The following FAM184A variants were observed in gnomAD, a reference collection of about 807,000 sequenced individuals.
The protein encoded by FAM184A is family with sequence similarity 184 member A.
Under a neutral mutation model 143.8 loss-of-function variants are expected in FAM184A, and 99 were observed. The observed-to-expected ratio is 0.69, with a 90% CI of 0.58 to 0.81. The LOEUF is 0.81. FAM184A is among the 40% of genes least tolerant of loss of function. The pLI is 0.00. For synonymous variants in FAM184A, 427 were observed against 446.4 expected (o/e 0.96, Z 0.55); for missense variants, 1,217 against 1,310.5 (o/e 0.93, Z 1.10).
At chr6:119,140,321 T>C (rs1772184756) in intron 1 of FAM184A, among the ~76,000 whole-genome samples, 1 of 152,160 alleles carries the variant, frequency 6.6e-6, no homozygotes, top group Non-Finnish European at 1.5e-5. Context: ...CCATTTCCCA[T>C]GCTAGTGGGT....
intron 7 of FAM184A, chr6:119,006,205 T>TA (rs1404853135): frequency 2.0e-5 from 15 of 764,392 alleles, no homozygotes; most frequent in Non-Finnish European, 3.6e-5. Flanking sequence ...GATCTTCCCT[T>TA]AGAGTTTAGG....
At chr6:119,000,246 G>C (rs1346246626) in intron 9 of FAM184A, among the ~76,000 whole-genome samples, 3 of 152,178 alleles carry the variant, frequency 2.0e-5, no homozygotes, top group Non-Finnish European at 4.4e-5. Context: ...TAGAAAATAT[G>C]ATCACAGAAA....
intron 1 of FAM184A, among the ~76,000 whole-genome samples, chr6:119,133,606 G>A (rs1789590000): frequency 6.6e-6 from 1 of 151,968 alleles, no homozygotes; most frequent in Admixed American, 6.6e-5. Context: ...ACCTGAGGTA[G>A]GCTGCCCCAA....
intron 1 of FAM184A, among the ~76,000 whole-genome samples, chr6:119,052,474 A>G (rs539158117): frequency 4.6e-5 from 7 of 152,206 alleles, no homozygotes; most frequent in Non-Finnish European, 8.8e-5. Context: ...TAGTCTCCTA[A>G]CTGATCTTTC....
chr6:119,098,117 G>A (rs1788554726), intron 1 of FAM184A, among the ~76,000 whole-genome samples: 1 of 152,118 alleles, frequency 6.6e-6, no homozygotes, highest in Admixed American at 6.5e-5. Flanking sequence ...TTGAATCATG[G>A]GAGTGGTTTC....
At chr6:119,130,815 G>T (rs528608392) in intron 1 of FAM184A, among the ~76,000 whole-genome samples, 9 of 151,572 alleles carry the variant, frequency 5.9e-5, no homozygotes, top group African/African-American at 2.2e-4. Flanking sequence ...CCTGAAGTGG[G>T]TATTTGACAT....
At chr6:118,977,584 T>C (rs1447145603) in intron 11 of FAM184A, among the ~76,000 whole-genome samples, 1 of 152,078 alleles carries the variant, frequency 6.6e-6, no homozygotes, top group African/African-American at 2.4e-5. Flanking sequence ...CTATCCCTTC[T>C]CCCCAAAAAG....
chr6:119,023,849 G>C, intron 2 of FAM184A, 110 bp downstream of exon 2: 3 of 606,676 alleles, frequency 4.9e-6, no homozygotes, highest in South Asian at 4.0e-5. Context: ...AAAAGTCTAA[G>C]TGGTGTGAAG....
chr6:119,131,153 C>T (rs1019883291), intron 1 of FAM184A, among the ~76,000 whole-genome samples: 1 of 152,130 alleles, frequency 6.6e-6, no homozygotes, highest in African/African-American at 2.4e-5. Flanking sequence ...GCCACCATGC[C>T]CAGCCAGAAT....
chr6:119,140,557 C>T (rs574235713), intron 1 of FAM184A, among the ~76,000 whole-genome samples: 1 of 152,352 alleles, frequency 6.6e-6, no homozygotes, highest in East Asian at 1.9e-4. Flanking sequence ...TCTCCGCTTT[C>T]TTTCAGTCCT....
chr6:119,049,461 A>AAAAAC (rs1013012116), intron 1 of FAM184A, among the ~76,000 whole-genome samples: 12 of 151,900 alleles, frequency 7.9e-5, no homozygotes, highest in African/African-American at 2.2e-4. Flanking sequence ...AAAATAAAAT[A>AAAAAC]AAAACAAAAC....
chr6:118,981,015 T>C (rs1784003184), intron 9 of FAM184A, among the ~76,000 whole-genome samples: 1 of 152,258 alleles, frequency 6.6e-6, no homozygotes, highest in Non-Finnish European at 1.5e-5. Context: ...GTTTCTAAAA[T>C]GTCTCAAACG....
At chr6:119,025,661 C>A (rs1291904237) in intron 1 of FAM184A, 1 of 515,576 alleles carries the variant, frequency 1.9e-6, no homozygotes, top group Non-Finnish European at 3.9e-6. Flanking sequence ...CGGATGCCAT[C>A]CATCATGCCA....
intron 17 of FAM184A, among the ~76,000 whole-genome samples, chr6:118,960,401 G>A (rs987090275): frequency 1.3e-5 from 2 of 152,116 alleles, no homozygotes; most frequent in Admixed American, 1.3e-4. Flanking sequence ...CAGTTAAGGA[G>A]GAGCCACATC....
chr6:119,003,074 T>C, intron 8 of FAM184A, 25 bp from the exon 9 acceptor site: 1 of 1,575,316 alleles, frequency 6.3e-7, no homozygotes. Flanking sequence ...CTGCATTTAC[T>C]TTGTAAAGAG....
intron 1 of FAM184A, among the ~76,000 whole-genome samples, chr6:119,098,774 C>T (rs1022329043): frequency 7.9e-5 from 12 of 152,082 alleles, no homozygotes; most frequent in African/African-American, 1.2e-4. Context: ...GTCTACGTGC[C>T]GGTGGACCCA....
intron 1 of FAM184A, among the ~76,000 whole-genome samples, chr6:119,120,791 A>G (rs536659627): frequency 3.3e-5 from 5 of 151,284 alleles, no homozygotes; most frequent in East Asian, 3.9e-4. Context: ...GGACTAAAAT[A>G]AAGTGATGGT....
intron 5 of FAM184A, among the ~76,000 whole-genome samples, chr6:119,015,144 G>A (rs533022684): frequency 3.3e-5 from 5 of 152,188 alleles, no homozygotes; most frequent in Non-Finnish European, 5.9e-5. Flanking sequence ...CTGGACTACT[G>A]AGAGGTGACA....
Position 118,971,307 on chromosome 6 carries a change from T to A in FAM184A, c.2915+3121A>T, listed in dbSNP as rs990252735. 7.2e-5 allele frequency among the ~76,000 whole-genome samples: 11 copies of A among 152,250 alleles called. 1 individual carries two copies. Among genetic ancestry groups the A allele is most frequent in the African/African-American group, 2.6e-4 (11 of 41,538 alleles). ...AAGGACTCAAAACTTAAACAAAAAA[T>A]TAGTAATTCAGGTGTGGCGGAGTGC... is the stretch of plus-strand genomic sequence containing the variant. On this transcript the variant is annotated intron_variant, in intron 14 of 17. Coordinates refer to ENST00000338891, the MANE Select transcript of FAM184A (RefSeq NM_024581.6).
Sources: gnomAD v4.1 joint callset for allele counts (sites outside exome capture counted in the v4.1 genomes callset) on GRCh38, gnomAD v4.1.1 for gene constraint, MANE v1.5 for transcripts, NCBI Gene and HGNC (gene_info 2026-07-23, HGNC 2026-07-21) for gene names.